The following ZNF470 variants were observed in gnomAD, a reference collection of about 807,000 sequenced individuals.
ZNF470 encodes the protein chondrogenesis zinc finger protein 1.
ZNF470 carries 13 observed loss-of-function variants against 13.9 expected under a neutral mutation model. The ratio of observed to expected loss-of-function variants is 0.94; its 90% CI spans 0.61 to 1.49. ZNF470 has a LOEUF of 1.49. ZNF470 is among the 40% of genes most tolerant of loss of function. The probability of loss-of-function intolerance (pLI) is 0.00; values close to 1 mark genes in which losing one functional copy is unlikely to be tolerated. For missense variants in ZNF470, 929 were observed against 857.3 expected, an observed-to-expected ratio of 1.08 and a Z score of -1.04; for synonymous variants, 293 against 282.9, an observed-to-expected ratio of 1.04 and a Z score of -0.36.
At chr19:56,572,874 A>G (rs895405277) in intron 3 of ZNF470, among the ~76,000 whole-genome samples, 11 of 152,236 alleles carry the variant, frequency 7.2e-5, no homozygotes, top group African/African-American at 2.7e-4. Flanking sequence ...GAATTCTGCA[A>G]GAATCACTAA....
chr19:56,581,639 T>G lies in ZNF470; in HGVS notation c.*3056T>G. ...CTAAATGAAAAATTGCAGACCTGTA[T>G]TGTAGTATAGGCCCATAATTGTGAT... On this transcript the variant is annotated 3_prime_UTR_variant, in exon 6 of 6. Transcript: ENST00000330619. 10 of 929,962 alleles carry G rather than the reference T, an allele frequency of 1.1e-5. No individual in the cohort carries two copies. The highest frequency in any genetic ancestry group is 1.3e-5 in the Non-Finnish European group (10 of 779,298). The allele number at this position is 929,962 out of a possible 1,614,324, so 57.6% of individuals were successfully genotyped here. A position where few individuals can be genotyped will look rare whatever the true frequency, so the allele number is the denominator to read the frequency against.
chr19:56,568,343 C>T (rs184213790), intron 1 of ZNF470, among the ~76,000 whole-genome samples: 1 of 152,320 alleles, frequency 6.6e-6, no homozygotes, highest in Non-Finnish European at 1.5e-5. Context: ...TCTGGGTACT[C>T]TGCTGCTGTT....
chr19:56,577,104 GA>G lies in ZNF470; in HGVS notation c.678del (p.Lys226AsnfsTer3). The G allele has an allele frequency of 6.2e-7, 1 of 1,608,718 alleles. No homozygotes were observed. Among genetic ancestry groups the G allele is most frequent in the Middle Eastern group, 1.7e-4 (1 of 6,000 alleles). On this transcript the variant is annotated frameshift_variant, in exon 6 of 6. Coordinates refer to ENST00000330619, the MANE Select transcript of ZNF470 (RefSeq NM_001001668.4). LOFTEE classifies it low-confidence loss of function (END_TRUNC). ...AACACAAGCAAGACCGTGGAGAAAA[GA>G]AACTTTTAAAATGTAATGACTGTGA... Reference protein sequence around the residue: ...KKHKQDRGEKKLLKCNDCEKI... With the variant: ...KKHKQDRGEKXLLKCNDCEKI...
intron 5 of ZNF470, among the ~76,000 whole-genome samples, chr19:56,575,257 A>C (rs1415897007): frequency 6.6e-6 from 1 of 151,880 alleles, no homozygotes; most frequent in Non-Finnish European, 1.5e-5. Context: ...TAGTTCTACA[A>C]GTTGTTACCT....
chr19:56,573,825 A>G (rs1004544534), intron 3 of ZNF470: 4 of 346,266 alleles, frequency 1.2e-5, no homozygotes, highest in Non-Finnish European at 1.6e-5. Flanking sequence ...CAACTTTTCA[A>G]ATGTGTTCTT....
rs999506212 is a variant in ZNF470, at chr19:56,567,683, C to G, written c.-514C>G. 12 of 987,084 alleles carry G rather than the reference C, an allele frequency of 1.2e-5. No homozygotes were observed. The African/African-American group carries it at 2.1e-4, about 17-fold the overall frequency. 61.1% of individuals were successfully genotyped at this position (987,084 alleles called of 1,614,324 possible). A position where few individuals can be genotyped will look rare whatever the true frequency, so the allele number is the denominator to read the frequency against. On this transcript the variant is annotated 5_prime_UTR_variant, in exon 1 of 6. Transcript: ENST00000330619. ...CGTGCGGTGCTGTGCTGAGGAGGGGCGAGCGCGCGCGGGGATGGCGGCCCG... is the reference window on the plus strand; with the variant it reads ...CGTGCGGTGCTGTGCTGAGGAGGGGGGAGCGCGCGCGGGGATGGCGGCCCG...
Position 56,580,044 on chromosome 19 carries a change from A to G in ZNF470, c.*1461A>G, listed in dbSNP as rs896119166. On this transcript the variant is annotated 3_prime_UTR_variant, in exon 6 of 6. Coordinates refer to ENST00000330619, the MANE Select transcript of ZNF470 (RefSeq NM_001001668.4). ...CTCTTACAGATCTAGTAGAACAGAA[A>G]AAATTAAATGCATGCTATGTGATAA... 7.4e-6 allele frequency: 5 copies of G among 671,716 alleles called. No homozygotes were observed. Among genetic ancestry groups the G allele is most frequent in the African/African-American group, 2.0e-5 (1 of 50,802 alleles). The allele number at this position is 671,716 out of a possible 1,614,324, so 41.6% of individuals were successfully genotyped here. A position where few individuals can be genotyped will look rare whatever the true frequency, so the allele number is the denominator to read the frequency against.
At chr19:56,568,332 T>G (rs948141641) in intron 1 of ZNF470, among the ~76,000 whole-genome samples, 3 of 152,188 alleles carry the variant, frequency 2.0e-5, no homozygotes, top group Non-Finnish European at 4.4e-5. Context: ...ATAGCATTAC[T>G]TCTGGGTACT....
In ZNF470 at chr19:56,577,812, C is replaced by G. The variant is rs1296685271; in HGVS notation, c.1383C>G (p.Ala461=). 2 of 1,613,556 alleles carry G rather than the reference C, an allele frequency of 1.2e-6. No homozygotes were observed. Among genetic ancestry groups the G allele is most frequent in the Non-Finnish European group, 8.5e-7 (1 of 1,179,912 alleles). Residue 461 remains alanine, a synonymous_variant, in exon 6 of 6, where the codon GCC becomes GCG. Coordinates refer to ENST00000330619, the MANE Select transcript of ZNF470 (RefSeq NM_001001668.4). The part of the protein sequence containing the change: ...KPYECNICEK[A]FSHRGSLTLH... ...ATGAATGCAATATCTGTGAGAAAGCCTTCAGCCATCGTGGGTCTCTTACTC... is the reference window on the plus strand; with the variant it reads ...ATGAATGCAATATCTGTGAGAAAGCGTTCAGCCATCGTGGGTCTCTTACTC...
chr19:56,569,588 A>G (rs1453443754), intron 2 of ZNF470, among the ~76,000 whole-genome samples: 1 of 152,182 alleles, frequency 6.6e-6, no homozygotes, highest in Non-Finnish European at 1.5e-5. Context: ...TTCTTGTGTA[A>G]AATGGTGACA....
At position 56,578,765 on chromosome 19, in the gene ZNF470, C is replaced by T. The variant is rs2044513509; in HGVS notation, c.*182C>T. 1 of 1,245,574 alleles carries T rather than the reference C, an allele frequency of 8.0e-7. No homozygotes were observed. Among genetic ancestry groups the T allele is most frequent in the Admixed American group, 3.7e-5 (1 of 26,990 alleles). The allele number at this position is 1,245,574 out of a possible 1,614,324, so 77.2% of individuals were successfully genotyped here. Reference sequence around the variant, plus strand: ...GCCTAACCTTTTAAAAATAAAAATACATAATTTATGTTATTTTCCCATTTA... The same window carrying T: ...GCCTAACCTTTTAAAAATAAAAATATATAATTTATGTTATTTTCCCATTTA... On this transcript the variant is annotated 3_prime_UTR_variant, in exon 6 of 6. Coordinates refer to ENST00000330619, the MANE Select transcript of ZNF470 (RefSeq NM_001001668.4).
chr19:56,573,892 TTTTCC>T (rs1172956637), intron 3 of ZNF470: 62 of 912,920 alleles, frequency 6.8e-5, no homozygotes, highest in Non-Finnish European at 3.7e-5. Flanking sequence ...CTAGGTGTTT[TTTTCC>T]TTTCATTTTT....
At position 56,570,435 on chromosome 19, in the gene ZNF470, G is replaced by C. The variant is rs1600563638; in HGVS notation, c.60+64G>C. The C allele has an allele frequency of 4.7e-6, 7 of 1,498,542 alleles. No homozygotes were observed. In the East Asian group the frequency reaches 1.4e-4, roughly 29 times the overall value. The allele number at this position is 1,498,542 out of a possible 1,614,324, so 92.8% of individuals were successfully genotyped here. A position where few individuals can be genotyped will look rare whatever the true frequency, so the allele number is the denominator to read the frequency against. Reference sequence around the variant, plus strand: ...TGCTTTTCTGGATTTGGTAATACTTGTTTTCTTCTGAAAATATTGTGCTTA... The same window carrying C: ...TGCTTTTCTGGATTTGGTAATACTTCTTTTCTTCTGAAAATATTGTGCTTA... On this transcript the variant is annotated intron_variant, in intron 3 of 5. Coordinates refer to ENST00000330619, the MANE Select transcript of ZNF470 (RefSeq NM_001001668.4).
At position 56,581,515 on chromosome 19, in the gene ZNF470, A is replaced by G; in HGVS notation, c.*2932A>G. On this transcript the variant is annotated 3_prime_UTR_variant, in exon 6 of 6. Transcript: ENST00000330619. Reference sequence around the variant, plus strand: ...AAAACAACAAGTGTCCATCAGGGTAATAAATAAATTAATTATGGTATATAT... The same window carrying G: ...AAAACAACAAGTGTCCATCAGGGTAGTAAATAAATTAATTATGGTATATAT... The G allele has an allele frequency of 2.4e-6, 2 of 850,764 alleles. No homozygotes were observed. Among genetic ancestry groups the G allele is most frequent in the Non-Finnish European group, 1.4e-6 (1 of 707,488 alleles). The allele number at this position is 850,764 out of a possible 1,614,324, so 52.7% of individuals were successfully genotyped here.
In ZNF470 at chr19:56,581,504, C is replaced by T; in HGVS notation, c.*2921C>T. ...GGTAAACTATTAAAACAACAAGTGT[C>T]CATCAGGGTAATAAATAAATTAATT... On this transcript the variant is annotated 3_prime_UTR_variant, in exon 6 of 6. Transcript: ENST00000330619. 1.2e-6 allele frequency: 1 copy of T among 859,662 alleles called. No individual in the cohort carries two copies. The highest frequency in any genetic ancestry group is 1.4e-6 in the Non-Finnish European group (1 of 715,882). 53.3% of individuals were successfully genotyped at this position (859,662 alleles called of 1,614,324 possible).
At position 56,578,288 on chromosome 19, in the gene ZNF470, C is replaced by T. The variant is rs1277331777; in HGVS notation, c.1859C>T (p.Pro620Leu). 1 of 1,613,378 alleles carries T rather than the reference C, an allele frequency of 6.2e-7. No individual in the cohort carries two copies. Among genetic ancestry groups the T allele is most frequent in the Admixed American group, 1.7e-5 (1 of 59,958 alleles). Reference protein sequence around the residue: ...CHQRCHTGEKPYECNVCGKAF... With the variant: ...CHQRCHTGEKLYECNVCGKAF... ...CAGAGATGTCATACTGGTGAGAAAC[C>T]TTATGAATGTAATGTTTGTGGGAAA... Residue 620 changes from proline to leucine, a missense_variant, in exon 6 of 6, where the codon CCT (proline) becomes CTT (leucine). Coordinates refer to ENST00000330619, the MANE Select transcript of ZNF470 (RefSeq NM_001001668.4).
chr19:56,578,194 G>C lies in ZNF470; in HGVS notation c.1765G>C (p.Gly589Arg). The change falls in exon 6 of 6, where the codon GGC becomes CGC. Residue 589 changes from glycine (G) to arginine (R), a missense_variant. Coordinates refer to ENST00000330619, the MANE Select transcript of ZNF470 (RefSeq NM_001001668.4). Reference sequence around the variant, plus strand: ...TGTTCAACATCAGAGACTCCACAGTGGCAAAAGACCGTATGAATGTCTTGA... The same window carrying C: ...TGTTCAACATCAGAGACTCCACAGTCGCAAAAGACCGTATGAATGTCTTGA... ...YLVQHQRLHS[G>R]KRPYECLECG... 1 of 1,614,120 alleles carries C rather than the reference G, an allele frequency of 6.2e-7. No individual in the cohort carries two copies.
At position 56,582,232 on chromosome 19, in the gene ZNF470, ATAATT is replaced by A; in HGVS notation, c.*3653_*3657del. The A allele has an allele frequency of 2.0e-6, 2 of 985,372 alleles. No homozygotes were observed. Among genetic ancestry groups the A allele is most frequent in the Non-Finnish European group, 2.4e-6 (2 of 829,900 alleles). The allele number at this position is 985,372 out of a possible 1,614,324, so 61.0% of individuals were successfully genotyped here. A position where few individuals can be genotyped will look rare whatever the true frequency, so the allele number is the denominator to read the frequency against. On this transcript the variant is annotated 3_prime_UTR_variant, in exon 6 of 6. Coordinates refer to ENST00000330619, the MANE Select transcript of ZNF470 (RefSeq NM_001001668.4). ...TAGAGGTCTAGGGTTCTGGATAATG[ATAATT>A]TAAGGAGGATGGAGAATGCTGAATC...
intron 3 of ZNF470, among the ~76,000 whole-genome samples, chr19:56,573,047 A>G (rs2044466294): frequency 6.6e-6 from 1 of 152,248 alleles, no homozygotes; most frequent in Non-Finnish European, 1.5e-5. Context: ...TAGCTTAACT[A>G]AACAGAACAG....
Sources: gnomAD v4.1 joint callset for allele counts (sites outside exome capture counted in the v4.1 genomes callset) on GRCh38, gnomAD v4.1.1 for gene constraint, MANE v1.5 for transcripts, NCBI Gene and HGNC (gene_info 2026-07-23, HGNC 2026-07-21) for gene names.